PXDNL: variants seen among roughly 807,000 people sequenced by gnomAD.
PXDNL encodes probable oxidoreductase PXDNL.
A neutral mutation model predicts 150.8 loss-of-function variants in PXDNL; 145 were observed. The ratio of observed to expected loss-of-function variants is 0.96; its 90% CI spans 0.84 to 1.10. PXDNL has a LOEUF of 1.10. Among genes scored for constraint, PXDNL ranks in the 50% least tolerant of loss-of-function variants. PXDNL has a pLI of 0.00. For missense variants in PXDNL, 2,087 were observed against 1,873.9 expected (o/e 1.11, Z -2.10); for synonymous variants, 757 against 725.7 (o/e 1.04, Z -0.69).
At chr8:51,693,768 T>G (rs1325645263) in intron 1 of PXDNL, among the ~76,000 whole-genome samples, 1 of 152,196 alleles carries the variant, frequency 6.6e-6, no homozygotes, top group African/African-American at 2.4e-5. Context: ...AGACCCTGTC[T>G]CAAAAACAAC....
chr8:51,578,617 A>G (rs1280619090), intron 3 of PXDNL, among the ~76,000 whole-genome samples: 2 of 151,976 alleles, frequency 1.3e-5, no homozygotes, highest in African/African-American at 4.8e-5. Context: ...TGTAGACAAA[A>G]TTATTTTATG....
intron 2 of PXDNL, among the ~76,000 whole-genome samples, chr8:51,606,668 A>G (rs1813842513): frequency 6.6e-6 from 1 of 152,226 alleles, no homozygotes; most frequent in African/African-American, 2.4e-5. Context: ...CATTTTAAAA[A>G]AGTAAAAACA....
At chr8:51,364,157 T>C (rs1021788995) in intron 19 of PXDNL, among the ~76,000 whole-genome samples, 3 of 152,236 alleles carry the variant, frequency 2.0e-5, no homozygotes, top group Non-Finnish European at 2.9e-5. Flanking sequence ...TAATGCACTA[T>C]GTCAAGGTGT....
chr8:51,499,729 G>T lies in PXDNL; in HGVS notation c.422C>A (p.Thr141Asn). ...CTCTAATCTCAGAAGGTCTCCAAAG[G>T]TCTCTGGCTGTAGCATTTCTAGTTG... ...FNQLEMLQPE[T>N]FGDLLRLERL... Residue 141 changes from threonine (T) to asparagine (N), a missense_variant, in exon 5 of 23, where the codon ACC (threonine) becomes AAC (asparagine). Coordinates refer to ENST00000356297, the MANE Select transcript of PXDNL (RefSeq NM_144651.5). 1.2e-6 allele frequency: 2 copies of T among 1,613,546 alleles called. No homozygotes were observed. The highest frequency in any genetic ancestry group is 1.1e-5 in the South Asian group (1 of 91,060).
intron 17 of PXDNL, among the ~76,000 whole-genome samples, chr8:51,393,226 A>T (rs1807966670): frequency 1.3e-5 from 2 of 152,206 alleles, no homozygotes; most frequent in African/African-American, 4.8e-5. Flanking sequence ...ACCAATGCAG[A>T]TTCACTTACA....
intron 1 of PXDNL, among the ~76,000 whole-genome samples, chr8:51,698,250 C>T (rs988714305): frequency 3.9e-5 from 6 of 152,250 alleles, no homozygotes; most frequent in Admixed American, 6.5e-5. Context: ...ATTTTACCTA[C>T]AGTAGAACTT....
chr8:51,326,548 C>T (rs1159687931), intron 21 of PXDNL, among the ~76,000 whole-genome samples: 2 of 152,074 alleles, frequency 1.3e-5, no homozygotes, highest in South Asian at 2.1e-4. Flanking sequence ...TACATCTACT[C>T]GGCCTTCCCA....
chr8:51,808,680 G>C (rs1441551713), intron 1 of PXDNL, among the ~76,000 whole-genome samples: 1 of 152,214 alleles, frequency 6.6e-6, no homozygotes, highest in Non-Finnish European at 1.5e-5. Flanking sequence ...TCTGGAGACA[G>C]ACAGTGCTTC....
At position 51,426,850 on chromosome 8, in the gene PXDNL, T is replaced by C. The variant is rs571529065; in HGVS notation, c.1526-92A>G. On this transcript the variant is annotated intron_variant, in intron 12 of 22. Coordinates refer to ENST00000356297, the MANE Select transcript of PXDNL (RefSeq NM_144651.5). ...GTCAAAGGTATGAACCTGAATGCCATATTGGTTAAGCACACTAGTTTTTTA... is the reference window on the plus strand; with the variant it reads ...GTCAAAGGTATGAACCTGAATGCCACATTGGTTAAGCACACTAGTTTTTTA... 3 of 709,926 alleles carry C rather than the reference T, an allele frequency of 4.2e-6. No individual in the cohort carries two copies. The South Asian group carries it at 5.0e-5, about 12-fold the overall frequency. 44.0% of individuals were successfully genotyped at this position (709,926 alleles called of 1,614,324 possible).
At chr8:51,322,330 A>G (rs1036989057) in intron 21 of PXDNL, among the ~76,000 whole-genome samples, 2 of 69,064 alleles carry the variant, frequency 2.9e-5, no homozygotes, top group African/African-American at 2.6e-4. Context: ...GGCAAATGGA[A>G]AAAAAAAAAT....
chr8:51,339,821 C>A, intron 20 of PXDNL, 68 bp from the exon 21 acceptor site: 1 of 1,505,186 alleles, frequency 6.6e-7, no homozygotes, highest in Non-Finnish European at 9.1e-7. Flanking sequence ...AAAATATCAT[C>A]AAATCTTCTT....
At chr8:51,571,961 G>T (rs1160783066) in intron 3 of PXDNL, among the ~76,000 whole-genome samples, 3 of 151,838 alleles carry the variant, frequency 2.0e-5, no homozygotes, top group Non-Finnish European at 4.4e-5. Flanking sequence ...ATTTACAATG[G>T]TTTCCCTTTA....
At chr8:51,389,683 A>G (rs1807831244) in intron 17 of PXDNL, among the ~76,000 whole-genome samples, 1 of 152,352 alleles carries the variant, frequency 6.6e-6, no homozygotes, top group South Asian at 2.1e-4. Flanking sequence ...GTGACATATA[A>G]GAATTGCCCA....
intron 2 of PXDNL, among the ~76,000 whole-genome samples, chr8:51,653,645 G>A (rs1029797313): frequency 2.6e-5 from 4 of 152,130 alleles, no homozygotes; most frequent in Non-Finnish European, 5.9e-5. Context: ...GAGATACTGT[G>A]ATAAAAATAT....
chr8:51,705,590 C>G (rs60115106), intron 1 of PXDNL, among the ~76,000 whole-genome samples: 20,219 of 152,206 alleles, frequency 0.13, 2,644 homozygotes, highest in African/African-American at 0.33. Context: ...ATTACTTAAA[C>G]AAGATAAATT....
At chr8:51,593,262 G>C (rs1029355396) in intron 2 of PXDNL, among the ~76,000 whole-genome samples, 1 of 152,078 alleles carries the variant, frequency 6.6e-6, no homozygotes, top group African/African-American at 2.4e-5. Context: ...GAAATAAATC[G>C]AATTTGAACC....
intron 19 of PXDNL, among the ~76,000 whole-genome samples, chr8:51,371,371 G>A (rs577724593): frequency 3.9e-5 from 6 of 152,272 alleles, no homozygotes; most frequent in South Asian, 2.1e-4. Flanking sequence ...GTTCGTAAAC[G>A]GTGATGTTGT....
At position 51,665,959 on chromosome 8, in the gene PXDNL, T is replaced by C. The variant is rs138345777; in HGVS notation, c.165-11199A>G. On this transcript the variant is annotated intron_variant, in intron 1 of 22. Coordinates refer to ENST00000356297, the MANE Select transcript of PXDNL (RefSeq NM_144651.5). ...TCTTTTGGGAAACTATATTTTTCTG[T>C]CAAAATTTTAGTGACTTATTTAACA... Among the ~76,000 whole-genome samples the C allele has an allele frequency of 1.5e-3, 223 of 152,382 alleles. 1 individual carries two copies. Among genetic ancestry groups the C allele is most frequent in the African/African-American group, 5.0e-3 (207 of 41,598 alleles).
chr8:51,529,782 C>T (rs933288364), intron 4 of PXDNL, among the ~76,000 whole-genome samples: 10 of 152,146 alleles, frequency 6.6e-5, no homozygotes, highest in African/African-American at 2.2e-4. Context: ...CCAGTCTCTC[C>T]CCACAACCAC....
Sources: gnomAD v4.1 joint callset for allele counts (sites outside exome capture counted in the v4.1 genomes callset) on GRCh38, gnomAD v4.1.1 for gene constraint, MANE v1.5 for transcripts, NCBI Gene and HGNC (gene_info 2026-07-23, HGNC 2026-07-21) for gene names.